ZNF69: variants seen among roughly 807,000 people sequenced by gnomAD.
ZNF69 encodes zinc finger protein 69.
ZNF69 carries 47 observed loss-of-function variants against 50.9 expected under a neutral mutation model. The observed-to-expected ratio is 0.92, with a 90% CI of 0.73 to 1.18. The LOEUF is 1.18. Among genes scored for constraint, ZNF69 ranks in the 50% most tolerant of loss-of-function variants. The probability of loss-of-function intolerance (pLI) is 0.00; values close to 1 mark genes in which losing one functional copy is unlikely to be tolerated. For missense variants in ZNF69, 717 were observed against 675.1 expected (o/e 1.06, Z -0.69); for synonymous variants, 216 against 223.1 (o/e 0.97, Z 0.29).
chr19:11,946,923 C>A, the ZNF69 span: 19 of 573,790 alleles, frequency 3.3e-5, no homozygotes, highest in South Asian at 5.7e-4. Context: ...TCGCTTGAAC[C>A]CCGGTGGTGA....
intron 1 of ZNF69, among the ~76,000 whole-genome samples, chr19:11,900,515 G>A (rs1035792142): frequency 2.0e-5 from 3 of 151,958 alleles, no homozygotes; most frequent in Admixed American, 2.0e-4. Flanking sequence ...ACCAGGCCCA[G>A]CTAATTTTTG....
chr19:11,919,003 C>G (rs867773424), downstream of ZNF69, among the ~76,000 whole-genome samples: 17 of 151,818 alleles, frequency 1.1e-4, no homozygotes, highest in African/African-American at 3.9e-4. Flanking sequence ...TCACGCCATT[C>G]TCCTGCCTCA....
At chr19:11,912,578 TATC>T (rs1972472990) in intron 4 of ZNF69, among the ~76,000 whole-genome samples, 1 of 151,906 alleles carries the variant, frequency 6.6e-6, no homozygotes, top group East Asian at 2.0e-4. Flanking sequence ...TTCTTTTCAA[TATC>T]ATGAAAGGAC....
At chr19:11,955,203 C>T in the ZNF69 span, among the ~76,000 whole-genome samples, 1 of 151,568 alleles carries the variant, frequency 6.6e-6, no homozygotes, top group Admixed American at 6.6e-5. Context: ...CTGGATTTCA[C>T]CATATTGGGT....
At chr19:11,947,888 G>A in the ZNF69 span, among the ~76,000 whole-genome samples, 929 of 152,204 alleles carry the variant, frequency 6.1e-3, 11 homozygotes, top group African/African-American at 0.021. Flanking sequence ...TGCATCGGTA[G>A]TCCCAGCTAC....
the ZNF69 span, among the ~76,000 whole-genome samples, chr19:11,968,134 A>AT: frequency 6.6e-6 from 1 of 152,128 alleles, no homozygotes; most frequent in South Asian, 2.1e-4. Flanking sequence ...GATGGAGCTG[A>AT]TTGGTCTTTC....
At chr19:11,953,040 C>G in the ZNF69 span, 3 of 152,152 alleles carry the variant, frequency 2.0e-5, no homozygotes, top group Non-Finnish European at 2.9e-5. Context: ...CGCCACTGCA[C>G]TCTCTAGCCT....
the ZNF69 span, among the ~76,000 whole-genome samples, chr19:11,957,240 C>T: frequency 1.4e-4 from 22 of 151,904 alleles, 1 homozygote; most frequent in Admixed American, 5.9e-4. Context: ...TACAGGCGCC[C>T]GCCACCATGC....
At chr19:11,968,098 C>T in the ZNF69 span, among the ~76,000 whole-genome samples, 2 of 152,090 alleles carry the variant, frequency 1.3e-5, no homozygotes, top group African/African-American at 4.8e-5. Context: ...TTGTGACTGG[C>T]AAGGAGTGTT....
At chr19:11,969,945 T>G in the ZNF69 span, among the ~76,000 whole-genome samples, 1 of 152,192 alleles carries the variant, frequency 6.6e-6, no homozygotes, top group Non-Finnish European at 1.5e-5. Context: ...GGTTTTAGAA[T>G]TGCCTGGGGC....
At chr19:11,903,787 A>G in intron 2 of ZNF69, 88 bp downstream of exon 2, 2 of 1,603,336 alleles carry the variant, frequency 1.2e-6, no homozygotes, top group East Asian at 2.2e-5. Flanking sequence ...GAACATAGAC[A>G]GGAAATACTT....
At chr19:11,925,049 A>C in the ZNF69 span, 1 of 685,488 alleles carries the variant, frequency 1.5e-6, no homozygotes, top group Non-Finnish European at 2.4e-6. Flanking sequence ...TCATCCAATC[A>C]GAGGTGCTGG....
At chr19:11,941,665 C>T in the ZNF69 span, among the ~76,000 whole-genome samples, 1 of 152,190 alleles carries the variant, frequency 6.6e-6, no homozygotes, top group Non-Finnish European at 1.5e-5. Context: ...CCAGTTCCCG[C>T]TCGCGCCTCT....
chr19:11,915,395 G>A (rs387440), downstream of ZNF69, among the ~76,000 whole-genome samples: 7 of 152,254 alleles, frequency 4.6e-5, no homozygotes, highest in African/African-American at 7.2e-5. Flanking sequence ...GACAATGAAA[G>A]TGCAGGCTGA....
At chr19:11,925,593 C>A in the ZNF69 span, among the ~76,000 whole-genome samples, 1 of 152,208 alleles carries the variant, frequency 6.6e-6, no homozygotes, top group African/African-American at 2.4e-5. Context: ...ATGGAGGCAT[C>A]CTGACTCGGG....
At chr19:11,962,950 T>C in the ZNF69 span, among the ~76,000 whole-genome samples, 7 of 152,132 alleles carry the variant, frequency 4.6e-5, no homozygotes, top group African/African-American at 1.2e-4. Flanking sequence ...TCCTGCCTGG[T>C]AAATCCTCAG....
At chr19:11,952,794 C>G in the ZNF69 span, among the ~76,000 whole-genome samples, 256 of 152,258 alleles carry the variant, frequency 1.7e-3, 3 homozygotes, top group African/African-American at 5.8e-3. Context: ...GGGCACCTGA[C>G]CAGGTGCAGT....
chr19:11,907,550 C>A (rs1041585828), downstream of ZNF69, among the ~76,000 whole-genome samples: 2 of 152,090 alleles, frequency 1.3e-5, no homozygotes, highest in Non-Finnish European at 2.9e-5. Context: ...ATTTTCAACC[C>A]AGAATTTCAT....
At chr19:11,967,473 C>T in the ZNF69 span, among the ~76,000 whole-genome samples, 2 of 151,948 alleles carry the variant, frequency 1.3e-5, no homozygotes, top group Admixed American at 6.6e-5. Flanking sequence ...GGCGCGATCT[C>T]GGCTCACTGC....
Sources: gnomAD v4.1 joint callset for allele counts (sites outside exome capture counted in the v4.1 genomes callset) on GRCh38, gnomAD v4.1.1 for gene constraint, MANE v1.5 for transcripts, NCBI Gene and HGNC (gene_info 2026-07-23, HGNC 2026-07-21) for gene names.